SH3RF3: variants seen among roughly 807,000 people sequenced by gnomAD.
The protein encoded by SH3RF3 is SH3 domain containing ring finger 3, also known as E3 ubiquitin-protein ligase SH3RF3.
Under a neutral mutation model 66.3 loss-of-function variants are expected in SH3RF3, and 29 were observed. The observed-to-expected ratio is 0.44, with a 90% CI of 0.33 to 0.60. SH3RF3 has a LOEUF of 0.60. Among genes scored for constraint, SH3RF3 ranks in the 20% least tolerant of loss-of-function variants. The pLI is 0.04. For missense variants in SH3RF3, 1,194 were observed against 1,190.9 expected (o/e 1.00, Z -0.04); for synonymous variants, 583 against 532.0 (o/e 1.10, Z -1.32).
intron 1 of SH3RF3, among the ~76,000 whole-genome samples, chr2:109,308,320 T>C (rs1177221989): frequency 1.7e-5 from 2 of 118,466 alleles, no homozygotes; most frequent in Non-Finnish European, 3.3e-5. Context: ...ATTCTGGATA[T>C]TAGCCCTTTG....
At chr2:109,302,814 T>C (rs1461324950) in intron 1 of SH3RF3, among the ~76,000 whole-genome samples, 1 of 152,212 alleles carries the variant, frequency 6.6e-6, no homozygotes, top group Non-Finnish European at 1.5e-5. Flanking sequence ...TGGAGAAAAG[T>C]GGACATTCTA....
At chr2:109,408,570 G>C (rs1390339166) in intron 4 of SH3RF3, among the ~76,000 whole-genome samples, 1 of 152,224 alleles carries the variant, frequency 6.6e-6, no homozygotes, top group African/African-American at 2.4e-5. Flanking sequence ...CCCATTCGCT[G>C]TCCCCTCTAC....
intron 1 of SH3RF3, among the ~76,000 whole-genome samples, chr2:109,287,310 G>A (rs1367800932): frequency 6.6e-6 from 1 of 152,138 alleles, no homozygotes; most frequent in Non-Finnish European, 1.5e-5. Context: ...TGATGCCCTG[G>A]TGGAGAGGCG....
chr2:109,234,441 G>T (rs1173130660), intron 1 of SH3RF3, among the ~76,000 whole-genome samples: 1 of 152,238 alleles, frequency 6.6e-6, no homozygotes, highest in Non-Finnish European at 1.5e-5. Flanking sequence ...CATGGAGCTA[G>T]TGTTCTTTGG....
At chr2:109,433,695 G>T (rs765149265) in intron 6 of SH3RF3, among the ~76,000 whole-genome samples, 1 of 152,334 alleles carries the variant, frequency 6.6e-6, no homozygotes, top group African/African-American at 2.4e-5. Flanking sequence ...GCTCTAGTTC[G>T]CAAGGCAATC....
chr2:109,362,513 G>A (rs1034046272), intron 2 of SH3RF3, among the ~76,000 whole-genome samples: 10 of 152,152 alleles, frequency 6.6e-5, no homozygotes, highest in African/African-American at 2.4e-4. Flanking sequence ...TGTTCCCTGT[G>A]GGCTTGAAAA....
At chr2:109,354,276 G>A (rs1365596923) in intron 2 of SH3RF3, among the ~76,000 whole-genome samples, 1 of 152,232 alleles carries the variant, frequency 6.6e-6, no homozygotes, top group Non-Finnish European at 1.5e-5. Flanking sequence ...GGTGGAGCAG[G>A]CAGCCCATCA....
intron 1 of SH3RF3, among the ~76,000 whole-genome samples, chr2:109,210,290 C>G (rs776813680): frequency 2.6e-5 from 4 of 152,156 alleles, no homozygotes; most frequent in African/African-American, 4.8e-5. Context: ...CTGTTTGAGT[C>G]CTTGCTTTGA....
Position 109,347,546 on chromosome 2 carries a change from C to T in SH3RF3, c.574-128C>T, listed in dbSNP as rs186244364. The T allele has an allele frequency of 1.5e-4, 182 of 1,253,350 alleles. No individual in the cohort carries two copies. The African/African-American group carries it at 1.8e-3, about 12-fold the overall frequency. 77.6% of individuals were successfully genotyped at this position (1,253,350 alleles called of 1,614,324 possible). ...GTTTCTTTAAAATATTTTCCACTTG[C>T]GGGGCACTCTGTATGCACCCCCAGG... On this transcript the variant is annotated intron_variant, in intron 1 of 9. Coordinates refer to ENST00000309415, the MANE Select transcript of SH3RF3 (RefSeq NM_001099289.3).
At position 109,390,782 on chromosome 2, in the gene SH3RF3, G is replaced by A. The variant is rs974486515; in HGVS notation, c.946-7808G>A. ...CTGGCTTGTGGGGCCTCACAGGGGC[G>A]GTCGCTTCCCGGGCTACCCACTATG... On this transcript the variant is annotated intron_variant, in intron 3 of 9. Transcript: ENST00000309415. Among the ~76,000 whole-genome samples, 7 of 152,288 alleles carry A rather than the reference G, an allele frequency of 4.6e-5. No homozygotes were observed. The East Asian group carries it at 9.6e-4, about 21-fold the overall frequency.
intron 1 of SH3RF3, among the ~76,000 whole-genome samples, chr2:109,155,049 G>A (rs965473893): frequency 5.9e-5 from 9 of 152,148 alleles, no homozygotes; most frequent in African/African-American, 2.2e-4. Context: ...GTTCTGGTGT[G>A]CTCATGGAAG....
chr2:109,390,856 C>T (rs2104411731), intron 3 of SH3RF3, among the ~76,000 whole-genome samples: 1 of 152,284 alleles, frequency 6.6e-6, no homozygotes, highest in Admixed American at 6.5e-5. Context: ...CATCATAGGG[C>T]ACTGGCAGAG....
chr2:109,195,669 C>T (rs886622983), intron 1 of SH3RF3, among the ~76,000 whole-genome samples: 1 of 152,184 alleles, frequency 6.6e-6, no homozygotes, highest in Non-Finnish European at 1.5e-5. Context: ...GAGAGCTCCG[C>T]GTTTGCATCT....
At chr2:109,321,779 G>C (rs946373083) in intron 1 of SH3RF3, among the ~76,000 whole-genome samples, 2 of 152,202 alleles carry the variant, frequency 1.3e-5, no homozygotes, top group African/African-American at 4.8e-5. Context: ...TATTCTGCTA[G>C]AGAGATGTGT....
At chr2:109,452,981 G>A (rs990956141) in intron 8 of SH3RF3, among the ~76,000 whole-genome samples, 1 of 151,160 alleles carries the variant, frequency 6.6e-6, no homozygotes, top group East Asian at 2.0e-4. Flanking sequence ...TCCCTGGGAG[G>A]CTATTCCCGG....
At chr2:109,196,927 G>A (rs1678516471) in intron 1 of SH3RF3, among the ~76,000 whole-genome samples, 1 of 152,218 alleles carries the variant, frequency 6.6e-6, no homozygotes, top group South Asian at 2.1e-4. Flanking sequence ...TTGCTGAGTA[G>A]TGCGAAGGCT....
chr2:109,237,330 C>G (rs1227247226), intron 1 of SH3RF3, among the ~76,000 whole-genome samples: 3 of 151,948 alleles, frequency 2.0e-5, no homozygotes, highest in African/African-American at 7.3e-5. Context: ...TCTTGGTAAT[C>G]AAAGAGGTAC....
At chr2:109,278,183 A>AG (rs1275197974) in intron 1 of SH3RF3, among the ~76,000 whole-genome samples, 1 of 151,882 alleles carries the variant, frequency 6.6e-6, no homozygotes, top group Admixed American at 6.6e-5. Flanking sequence ...TCTTAAAAAA[A>AG]AAAAAATCAA....
At chr2:109,170,169 T>C (rs1277367265) in intron 1 of SH3RF3, among the ~76,000 whole-genome samples, 1 of 152,160 alleles carries the variant, frequency 6.6e-6, no homozygotes, top group Admixed American at 6.5e-5. Context: ...CATCGTCGGC[T>C]CTTGTTTCCT....
Sources: gnomAD v4.1 joint callset for allele counts (sites outside exome capture counted in the v4.1 genomes callset) on GRCh38, gnomAD v4.1.1 for gene constraint, MANE v1.5 for transcripts, NCBI Gene and HGNC (gene_info 2026-07-23, HGNC 2026-07-21) for gene names.